The following RSBN1L variants were observed in gnomAD, a reference collection of about 807,000 sequenced individuals.
RSBN1L encodes lysine-specific demethylase RSBN1L.
A neutral mutation model predicts 67.7 loss-of-function variants in RSBN1L; 30 were observed. The ratio of observed to expected loss-of-function variants is 0.44; its 90% CI spans 0.33 to 0.60. The LOEUF (loss-of-function observed/expected upper bound fraction) is 0.60. Among genes scored for constraint, RSBN1L ranks in the 20% least tolerant of loss-of-function variants. RSBN1L has a pLI of 0.02. For synonymous variants in RSBN1L, 433 were observed against 387.0 expected (o/e 1.12, Z -1.39); for missense variants, 992 against 1,031.7 (o/e 0.96, Z 0.53).
Position 77,778,668 on chromosome 7 carries a change from G to C in RSBN1L, c.2041G>C (p.Val681Leu). Residue 681 changes from valine (V) to leucine (L), a missense_variant, in exon 8 of 8, where the codon GTA (valine) becomes CTA (leucine). Transcript: ENST00000334955. ...TCATCAGTTCAAGACAGTTTCAGCT[G>C]TATGCAGTTTAGCATGGCATATTCG... ...VVHQFKTVSA[V>L]CSLAWHIRLK... 6.2e-7 allele frequency: 1 copy of C among 1,614,072 alleles called. No individual in the cohort carries two copies. The highest frequency in any genetic ancestry group is 8.5e-7 in the Non-Finnish European group (1 of 1,180,004).
chr7:77,771,936 C>T (rs1322820791), intron 5 of RSBN1L, among the ~76,000 whole-genome samples: 1 of 151,982 alleles, frequency 6.6e-6, no homozygotes, highest in African/African-American at 2.4e-5. Context: ...AGGGGGTTCA[C>T]CACTACCTTG....
intron 1 of RSBN1L, among the ~76,000 whole-genome samples, chr7:77,702,253 A>G (rs1790828500): frequency 2.0e-5 from 3 of 152,258 alleles, no homozygotes; most frequent in Admixed American, 2.0e-4. Flanking sequence ...GGTGTGAGCC[A>G]CTGCGCCTGG....
chr7:77,726,780 T>TTA (rs1791209290), intron 1 of RSBN1L, among the ~76,000 whole-genome samples: 1 of 147,368 alleles, frequency 6.8e-6, no homozygotes, highest in Non-Finnish European at 1.5e-5. Context: ...CAGCTAATTT[T>TTA]TTTTTTTTTT....
At chr7:77,728,318 T>C (rs1791232901) in intron 1 of RSBN1L, among the ~76,000 whole-genome samples, 2 of 152,246 alleles carry the variant, frequency 1.3e-5, no homozygotes. Flanking sequence ...TAAAATTGTA[T>C]GTTAAAAATT....
chr7:77,739,907 G>A (rs1299406534), intron 2 of RSBN1L, among the ~76,000 whole-genome samples: 3 of 150,116 alleles, frequency 2.0e-5, no homozygotes, highest in Non-Finnish European at 4.4e-5. Flanking sequence ...ACGCCGCCAT[G>A]CCTAGGGCTA....
chr7:77,696,907 C>A lies in RSBN1L; in HGVS notation c.438C>A (p.Ala146=), dbSNP rs775813400. The A allele has an allele frequency of 1.2e-6, 2 of 1,603,878 alleles. No individual in the cohort carries two copies. Among genetic ancestry groups the A allele is most frequent in the Admixed American group, 3.3e-5 (2 of 59,968 alleles). The change falls in exon 1 of 8, where the codon GCC becomes GCA. Residue 146 remains alanine (A), a synonymous_variant. Coordinates refer to ENST00000334955, the MANE Select transcript of RSBN1L (RefSeq NM_198467.3). The part of the protein sequence containing the change: ...HAQPHHLLLP[A]AAAAASANAK... ...AGCCTCACCATCTCCTCCTGCCCGC[C>A]GCCGCCGCCGCTGCCTCGGCTAACG...
At chr7:77,759,941 C>A (rs1791677621) in intron 3 of RSBN1L, among the ~76,000 whole-genome samples, 1 of 152,194 alleles carries the variant, frequency 6.6e-6, no homozygotes, top group South Asian at 2.1e-4. Flanking sequence ...ACTTAGTGGA[C>A]TGTAGAGCTC....
intron 1 of RSBN1L, among the ~76,000 whole-genome samples, chr7:77,709,188 G>GTATGTA (rs1554337026): frequency 1.8e-4 from 26 of 141,738 alleles, no homozygotes; most frequent in South Asian, 1.4e-3. Context: ...GTGTGTGTGT[G>GTATGTA]TGTGTGTGTA....
At chr7:77,733,871 A>G (rs1791299742) in intron 1 of RSBN1L, among the ~76,000 whole-genome samples, 1 of 152,270 alleles carries the variant, frequency 6.6e-6, no homozygotes, top group South Asian at 2.1e-4. Flanking sequence ...TCACGCCTGT[A>G]ATCCCAGCAC....
chr7:77,771,889 A>G (rs1421443482), intron 5 of RSBN1L, among the ~76,000 whole-genome samples: 1 of 152,080 alleles, frequency 6.6e-6, no homozygotes, highest in African/African-American at 2.4e-5. Context: ...TCTTCTCAGA[A>G]CAATACAGAT....
chr7:77,711,421 C>A (rs1025768280), intron 1 of RSBN1L, among the ~76,000 whole-genome samples: 9 of 150,628 alleles, frequency 6.0e-5, no homozygotes, highest in African/African-American at 2.2e-4. Context: ...CCCACTGTAA[C>A]GTCGAACTCC....
At chr7:77,763,798 T>C (rs78684204) in intron 3 of RSBN1L, among the ~76,000 whole-genome samples, 1,730 of 152,300 alleles carry the variant, frequency 0.011, 39 homozygotes, top group African/African-American at 0.039. Context: ...GCTGGAGATA[T>C]CCTCCCACTT....
chr7:77,699,253 A>G (rs1436842249), intron 1 of RSBN1L, among the ~76,000 whole-genome samples: 2 of 152,178 alleles, frequency 1.3e-5, no homozygotes, highest in Non-Finnish European at 2.9e-5. Flanking sequence ...TCAGAACCAG[A>G]CATTAGCTAT....
At chr7:77,720,044 G>A (rs573034794) in intron 1 of RSBN1L, among the ~76,000 whole-genome samples, 1 of 152,328 alleles carries the variant, frequency 6.6e-6, no homozygotes, top group South Asian at 2.1e-4. Context: ...GATTGCAGGT[G>A]TGAGCCACTG....
At chr7:77,750,294 G>A (rs1170667633) in intron 3 of RSBN1L, among the ~76,000 whole-genome samples, 4 of 66,482 alleles carry the variant, frequency 6.0e-5, no homozygotes, top group Non-Finnish European at 1.1e-4. Context: ...TTAAGATTCT[G>A]TGTTTTTTTT....
At chr7:77,726,205 T>C (rs1250629425) in intron 1 of RSBN1L, among the ~76,000 whole-genome samples, 2 of 152,242 alleles carry the variant, frequency 1.3e-5, no homozygotes, top group Admixed American at 1.3e-4. Flanking sequence ...ACAGTAGTGA[T>C]GCATTATTAT....
In RSBN1L at chr7:77,773,245, T is replaced by C. The variant is rs901603442; in HGVS notation, c.1724T>C (p.Ile575Thr). The change falls in exon 6 of 8, where the codon ATA (isoleucine) becomes ACA (threonine). Residue 575 changes from isoleucine (I) to threonine (T), a missense_variant. Physicochemically the swap from Ile to Thr is moderately conservative, Grantham distance 89. Around this residue, in one of 7 missense-constraint regions of RSBN1L, gnomAD observed 67 missense variants for 130.5 expected, o/e 0.51. Transcript: ENST00000334955. ...AGGACAAGAGCTCATGCAGATCATA[T>C]AGGACAAGGTTTTGAACGACAGACT... is the stretch of plus-strand genomic sequence containing the variant. ...EDRTRAHADH[I>T]GQGFERQTTA... 5.6e-6 allele frequency: 9 copies of C among 1,613,176 alleles called. No individual in the cohort carries two copies. The highest frequency in any genetic ancestry group is 1.3e-5 in the African/African-American group (1 of 74,880).
At chr7:77,766,839 C>T (rs554836939) in intron 4 of RSBN1L, among the ~76,000 whole-genome samples, 2 of 152,106 alleles carry the variant, frequency 1.3e-5, no homozygotes, top group South Asian at 2.1e-4. Context: ...TCCTTTTTCT[C>T]TTTTCCTTTT....
rs61611975 is a variant in RSBN1L, at chr7:77,716,624, C to CTTTT, written c.586+19592_586+19595dup. Among the ~76,000 whole-genome samples the CTTTT allele has an allele frequency of 9.3e-5, 7 of 75,290 alleles. 1 individual carries two copies. The highest frequency in any genetic ancestry group is 1.3e-4 in the Non-Finnish European group (5 of 39,342). 49.4% of individuals were successfully genotyped at this position (75,290 alleles called of 152,430 possible). ...TTAAAAGCTGCATGTGTATCTTCAT[C>CTTTT]TTTTTTTTTTTTTTTTTTTTTTTTT... On this transcript the variant is annotated intron_variant, in intron 1 of 7. Coordinates refer to ENST00000334955, the MANE Select transcript of RSBN1L (RefSeq NM_198467.3).
Sources: allele counts gnomAD v4.1 joint callset (sites outside exome capture counted in the v4.1 genomes callset), GRCh38; gene constraint gnomAD v4.1.1; regional missense constraint gnomAD v4.1.1; transcripts MANE v1.5; gene names NCBI Gene and HGNC (gene_info 2026-07-23, HGNC 2026-07-21).